GPC6: variants seen among roughly 807,000 people sequenced by gnomAD.
The protein encoded by GPC6 is glypican-6.
GPC6 carries 14 observed loss-of-function variants against 55.2 expected under a neutral mutation model. The ratio of observed to expected loss-of-function variants is 0.25; its 90% confidence interval spans 0.17 to 0.40. GPC6 has a LOEUF of 0.40. Among genes scored for constraint, GPC6 ranks in the 10% least tolerant of loss-of-function variants. The probability of loss-of-function intolerance (pLI) is 1.00; values close to 1 mark genes in which losing one functional copy is unlikely to be tolerated. For missense variants in GPC6, 641 were observed against 708.5 expected (o/e 0.90, Z 1.08); for synonymous variants, 278 against 259.6 (o/e 1.07, Z -0.68).
chr13:94,038,710 G>A (rs548110069), intron 4 of GPC6, among the ~76,000 whole-genome samples: 7 of 152,028 alleles, frequency 4.6e-5, no homozygotes, highest in South Asian at 2.1e-4. Context: ...CATTCACAGA[G>A]CACTGAGGGC....
At chr13:93,626,564 G>A (rs1252485992) in intron 2 of GPC6, among the ~76,000 whole-genome samples, 2 of 152,262 alleles carry the variant, frequency 1.3e-5, no homozygotes, top group South Asian at 2.1e-4. Context: ...CACTTTAGGA[G>A]GTGGAGGTGG....
intron 3 of GPC6, among the ~76,000 whole-genome samples, chr13:93,946,953 G>A (rs998021322): frequency 6.6e-6 from 1 of 152,142 alleles, no homozygotes; most frequent in Non-Finnish European, 1.5e-5. Flanking sequence ...TCTTGTGTTA[G>A]CACTCTCTAG....
intron 4 of GPC6, among the ~76,000 whole-genome samples, chr13:94,259,604 AT>A (rs1418810730): frequency 6.6e-6 from 1 of 152,086 alleles, no homozygotes; most frequent in Non-Finnish European, 1.5e-5. Flanking sequence ...CAATTCCAGA[AT>A]TTTTCATTGT....
chr13:94,147,607 T>C (rs998830470), intron 4 of GPC6, among the ~76,000 whole-genome samples: 2 of 152,178 alleles, frequency 1.3e-5, no homozygotes, highest in African/African-American at 4.8e-5. Context: ...TCTGGTTTAG[T>C]GTAAAAAGTG....
intron 1 of GPC6, among the ~76,000 whole-genome samples, chr13:93,526,143 T>C (rs557313890): frequency 2.4e-4 from 37 of 152,194 alleles, no homozygotes; most frequent in African/African-American, 8.7e-4. Context: ...AAAATTCTGT[T>C]TGCGATGAAA....
chr13:93,354,862 A>T (rs1376176193), intron 1 of GPC6, among the ~76,000 whole-genome samples: 19 of 152,190 alleles, frequency 1.2e-4, no homozygotes, highest in Non-Finnish European at 2.9e-5. Context: ...AGCCTTAAAA[A>T]GCAAGTGGAA....
intron 4 of GPC6, among the ~76,000 whole-genome samples, chr13:94,233,927 A>T (rs1890802240): frequency 6.6e-6 from 1 of 152,174 alleles, no homozygotes; most frequent in Admixed American, 6.6e-5. Flanking sequence ...GTCTTCGAAC[A>T]TACCCCCCAG....
intron 4 of GPC6, among the ~76,000 whole-genome samples, chr13:94,046,096 G>C (rs1883722836): frequency 6.6e-6 from 1 of 151,824 alleles, no homozygotes; most frequent in Non-Finnish European, 1.5e-5. Flanking sequence ...CCTCCACTCA[G>C]CGGACTGCCA....
At chr13:93,609,811 T>C (rs1190851598) in intron 2 of GPC6, among the ~76,000 whole-genome samples, 1 of 152,138 alleles carries the variant, frequency 6.6e-6, no homozygotes, top group African/African-American at 2.4e-5. Flanking sequence ...CATAGACCCA[T>C]CCCTCCCTTG....
At chr13:93,371,649 A>T (rs1874660664) in intron 1 of GPC6, among the ~76,000 whole-genome samples, 1 of 152,110 alleles carries the variant, frequency 6.6e-6, no homozygotes, top group South Asian at 2.1e-4. Context: ...AGGAGTTCAG[A>T]CAATGGACAA....
chr13:94,404,690 T>C lies in GPC6; in HGVS notation c.*1473T>C, dbSNP rs886050355. 6.6e-6 allele frequency: 1 copy of C among 152,208 alleles called. No individual in the cohort carries two copies. Among genetic ancestry groups the C allele is most frequent in the East Asian group, 1.9e-4 (1 of 5,192 alleles). The allele number at this position is 152,208 out of a possible 1,614,324, so 9.4% of individuals were successfully genotyped here. ...AGGGCTTTACCGGTGATGGAAACTG[T>C]ATGTGTAAAGAATGTTATTCATGAA... On this transcript the variant is annotated 3_prime_UTR_variant, in exon 9 of 9. Transcript: ENST00000377047.
chr13:93,823,660 G>A (rs548668255), intron 2 of GPC6, among the ~76,000 whole-genome samples: 1 of 152,216 alleles, frequency 6.6e-6, no homozygotes, highest in East Asian at 1.9e-4. Context: ...GAAGACAAAT[G>A]GAAATGATGA....
At position 94,404,383 on chromosome 13, in the gene GPC6, C is replaced by CT. The variant is rs1240021050; in HGVS notation, c.*1167dup. The CT allele has an allele frequency of 2.6e-5, 4 of 152,134 alleles. No homozygotes were observed. The highest frequency in any genetic ancestry group is 9.6e-5 in the African/African-American group (4 of 41,480). 9.4% of individuals were successfully genotyped at this position (152,134 alleles called of 1,614,324 possible). A position where few individuals can be genotyped will look rare whatever the true frequency, so the allele number is the denominator to read the frequency against. ...TTAGTATGATCATCTATTTTTATAT[C>CT]TATGTATATATAAATCACAGATTTT... On this transcript the variant is annotated 3_prime_UTR_variant, in exon 9 of 9. Coordinates refer to ENST00000377047, the MANE Select transcript of GPC6 (RefSeq NM_005708.5).
intron 1 of GPC6, among the ~76,000 whole-genome samples, chr13:93,323,440 T>C (rs1192859983): frequency 6.6e-6 from 1 of 152,170 alleles, no homozygotes; most frequent in Non-Finnish European, 1.5e-5. Flanking sequence ...TTTCCTTTCT[T>C]TTCTGCCATC....
intron 3 of GPC6, among the ~76,000 whole-genome samples, chr13:93,985,208 C>G (rs536841043): frequency 1.3e-5 from 2 of 152,160 alleles, no homozygotes; most frequent in African/African-American, 4.8e-5. Flanking sequence ...GCCGAGGTGA[C>G]TGGATCATGA....
chr13:94,325,286 C>A (rs1027950628), intron 6 of GPC6, among the ~76,000 whole-genome samples: 1 of 152,132 alleles, frequency 6.6e-6, no homozygotes, highest in African/African-American at 2.4e-5. Flanking sequence ...GAGAAGAACG[C>A]GGCTCACTCA....
intron 4 of GPC6, among the ~76,000 whole-genome samples, chr13:94,037,548 T>G (rs2138734655): frequency 6.6e-6 from 1 of 152,064 alleles, no homozygotes; most frequent in East Asian, 1.9e-4. Context: ...TACCAGACAA[T>G]ATTGTGATTA....
At chr13:94,070,806 T>G (rs994427800) in intron 4 of GPC6, among the ~76,000 whole-genome samples, 1 of 152,214 alleles carries the variant, frequency 6.6e-6, no homozygotes, top group Admixed American at 6.5e-5. Context: ...CTTTTCTGGG[T>G]GATTCTGCAG....
At chr13:93,540,157 C>T (rs763661049) in intron 1 of GPC6, among the ~76,000 whole-genome samples, 2 of 152,066 alleles carry the variant, frequency 1.3e-5, no homozygotes, top group Middle Eastern at 3.2e-3. Flanking sequence ...GCCAGGCTGG[C>T]TTCTAAAGGT....
Sources: allele counts gnomAD v4.1 joint callset (sites outside exome capture counted in the v4.1 genomes callset), GRCh38; gene constraint gnomAD v4.1.1; transcripts MANE v1.5; gene names NCBI Gene and HGNC (gene_info 2026-07-23, HGNC 2026-07-21).